CTXND1: variants seen among roughly 807,000 people sequenced by gnomAD.
The protein encoded by CTXND1 is cortexin domain containing 1, also known as cortexin domain-containing 1 protein.
chr15:80,203,479 T>C (rs1893109833), intron 2 of CTXND1, 110 bp downstream of exon 2: 1 of 152,240 alleles, frequency 6.6e-6, no homozygotes, highest in Admixed American at 6.5e-5. Flanking sequence ...GATACCTGTG[T>C]GTGCAAGCTT....
intron 1 of CTXND1, among the ~76,000 whole-genome samples, chr15:80,214,036 G>A (rs1595904953): frequency 6.6e-6 from 1 of 151,812 alleles, no homozygotes; most frequent in East Asian, 1.9e-4. Flanking sequence ...GTTTATATAG[G>A]TATAAAACAA....
intron 2 of CTXND1, among the ~76,000 whole-genome samples, 151 bp downstream of exon 2, chr15:80,203,438 A>G (rs1893109497): frequency 6.6e-6 from 1 of 152,194 alleles, no homozygotes; most frequent in Non-Finnish European, 1.5e-5. Context: ...GTGGGGCTCC[A>G]TCTTCCCCAC....
intron 1 of CTXND1, among the ~76,000 whole-genome samples, chr15:80,217,980 T>C (rs937142953): frequency 6.6e-6 from 1 of 152,210 alleles, no homozygotes; most frequent in South Asian, 2.1e-4. Flanking sequence ...TGGATGCCGA[T>C]GTATTTAGAT....
intron 1 of CTXND1, among the ~76,000 whole-genome samples, chr15:80,247,701 A>G (rs1893648865): frequency 6.6e-6 from 1 of 152,194 alleles, no homozygotes; most frequent in Admixed American, 6.5e-5. Context: ...ATTGATTAAC[A>G]ATAATTTCCT....
At chr15:80,220,718 A>T (rs994016148) in intron 1 of CTXND1, among the ~76,000 whole-genome samples, 1 of 151,700 alleles carries the variant, frequency 6.6e-6, no homozygotes, top group African/African-American at 2.4e-5. Flanking sequence ...ATGTGTTATA[A>T]TTTTCCCCAT....
In CTXND1 at chr15:80,222,006, G is replaced by C. The variant is rs777714827; in HGVS notation, c.-217-18266C>G. 2.0e-4 allele frequency among the ~76,000 whole-genome samples: 31 copies of C among 152,230 alleles called. 1 individual carries two copies. The highest frequency in any genetic ancestry group is 3.4e-3 in the Middle Eastern group (1 of 294). On this transcript the variant is annotated intron_variant, in intron 1 of 2. Coordinates refer to ENST00000560778, the MANE Select transcript of CTXND1 (RefSeq NM_001352888.2). ...GTGTTGCTTTTTGCATTATATGTGT[G>C]TATACATAGTCAGTTTCTTGAAATG...
intron 1 of CTXND1, among the ~76,000 whole-genome samples, chr15:80,225,133 T>C (rs1263582145): frequency 1.3e-5 from 2 of 152,270 alleles, no homozygotes; most frequent in African/African-American, 4.8e-5. Context: ...AGGTTCAAGA[T>C]GTTCCTTTCT....
intron 1 of CTXND1, among the ~76,000 whole-genome samples, chr15:80,245,132 C>G (rs187501084): frequency 1.3e-5 from 2 of 152,200 alleles, no homozygotes; most frequent in Non-Finnish European, 2.9e-5. Flanking sequence ...ACAGAGGGAT[C>G]GTAAGACTAA....
In CTXND1 at chr15:80,205,795, C is replaced by A. The variant is rs749081058; in HGVS notation, c.-217-2055G>T. ...GGCGATGGATTTGAGACTTCTCTCT[C>A]ATTCTCCCAGTTGACATCATGAGAA... is the stretch of plus-strand genomic sequence containing the variant. On this transcript the variant is annotated intron_variant, in intron 1 of 2. Coordinates refer to ENST00000560778, the MANE Select transcript of CTXND1 (RefSeq NM_001352888.2). Among the ~76,000 whole-genome samples, 31 of 152,304 alleles carry A rather than the reference C, an allele frequency of 2.0e-4. 1 individual carries two copies. The highest frequency in any genetic ancestry group is 3.4e-3 in the Middle Eastern group (1 of 294).
intron 1 of CTXND1, among the ~76,000 whole-genome samples, chr15:80,232,058 T>C (rs1336025737): frequency 1.3e-5 from 2 of 152,036 alleles, no homozygotes; most frequent in African/African-American, 4.8e-5. Flanking sequence ...CTGGTTGTGG[T>C]TGGAGAGAAA....
At position 80,237,336 on chromosome 15, in the gene CTXND1, GAAAAAAA is replaced by G. The variant is rs201997173; in HGVS notation, c.-218+14664_-218+14670del. Among the ~76,000 whole-genome samples the G allele has an allele frequency of 5.4e-3, 546 of 101,566 alleles. 5 individuals carry two copies. Among genetic ancestry groups the G allele is most frequent in the African/African-American group, 0.019 (496 of 26,134 alleles). 66.6% of individuals were successfully genotyped at this position (101,566 alleles called of 152,430 possible). A position where few individuals can be genotyped will look rare whatever the true frequency, so the allele number is the denominator to read the frequency against. ...GGCGACAGAGCGAGACAGTGTCTCA[GAAAAAAA>G]AAAAAAAAAAAAAAGAAAGAAAAAG... is the stretch of plus-strand genomic sequence containing the variant. On this transcript the variant is annotated intron_variant, in intron 1 of 2. Transcript: ENST00000560778.
intron 1 of CTXND1, among the ~76,000 whole-genome samples, chr15:80,228,177 C>T (rs1378437324): frequency 3.3e-5 from 5 of 152,224 alleles, no homozygotes; most frequent in Admixed American, 3.3e-4. Flanking sequence ...AATTCTAGTT[C>T]TCTTGCTATT....
intron 1 of CTXND1, among the ~76,000 whole-genome samples, chr15:80,231,404 G>GAA (rs57955140): frequency 2.2e-5 from 3 of 134,884 alleles, no homozygotes; most frequent in African/African-American, 8.1e-5. Context: ...AAAAAGAAAA[G>GAA]AAAAAAAAAA....
intron 1 of CTXND1, among the ~76,000 whole-genome samples, chr15:80,220,102 C>T (rs1893296314): frequency 9.4e-6 from 1 of 106,152 alleles, no homozygotes; most frequent in African/African-American, 3.1e-5. Flanking sequence ...ATACTCTCAT[C>T]TATCTATCTA....
At chr15:80,209,693 A>G (rs775931813) in intron 1 of CTXND1, among the ~76,000 whole-genome samples, 6 of 152,246 alleles carry the variant, frequency 3.9e-5, no homozygotes, top group Non-Finnish European at 5.9e-5. Context: ...AAGCATCCGA[A>G]TCAGGATTTT....
At chr15:80,212,486 A>G (rs1893212058) in intron 1 of CTXND1, among the ~76,000 whole-genome samples, 1 of 152,212 alleles carries the variant, frequency 6.6e-6, no homozygotes, top group Non-Finnish European at 1.5e-5. Context: ...GTTGCAAAAG[A>G]TGCTAAAATT....
chr15:80,251,585 C>G (rs937983577), intron 1 of CTXND1, among the ~76,000 whole-genome samples: 1 of 152,232 alleles, frequency 6.6e-6, no homozygotes, highest in Non-Finnish European at 1.5e-5. Flanking sequence ...CTCCCCAAAC[C>G]CCTCAATGGC....
intron 1 of CTXND1, among the ~76,000 whole-genome samples, chr15:80,246,057 T>A (rs1416107167): frequency 6.6e-6 from 1 of 152,214 alleles, no homozygotes. Context: ...CTTTTATAAT[T>A]TTCAGTATTC....
intron 1 of CTXND1, among the ~76,000 whole-genome samples, chr15:80,204,712 C>T (rs1323816952): frequency 6.8e-6 from 1 of 147,054 alleles, no homozygotes; most frequent in African/African-American, 2.6e-5. Context: ...AATGGACACT[C>T]AGGTTGTTTT....
Sources: allele counts gnomAD v4.1 joint callset (sites outside exome capture counted in the v4.1 genomes callset), GRCh38; gene constraint gnomAD v4.1.1; transcripts MANE v1.5; gene names NCBI Gene and HGNC (gene_info 2026-07-23, HGNC 2026-07-21).